The following SRGAP1 variants were observed in gnomAD, a reference collection of about 807,000 sequenced individuals.
The protein encoded by SRGAP1 is SLIT-ROBO Rho GTPase activating protein 1, also known as SLIT-ROBO Rho GTPase-activating protein 1.
SRGAP1 carries 43 observed loss-of-function variants against 121.9 expected under a neutral mutation model. The ratio of observed to expected loss-of-function variants is 0.35; its 90% CI spans 0.28 to 0.46. The LOEUF is 0.46. SRGAP1 is among the 20% of genes least tolerant of loss of function. SRGAP1 has a pLI of 1.00. For synonymous variants in SRGAP1, 447 were observed against 485.4 expected (o/e 0.92, Z 1.04); for missense variants, 1,102 against 1,350.9 (o/e 0.82, Z 2.89).
chr12:64,068,797 G>A (rs549668608), intron 8 of SRGAP1, among the ~76,000 whole-genome samples: 5 of 151,810 alleles, frequency 3.3e-5, no homozygotes, highest in African/African-American at 1.2e-4. Context: ...ATCTCTTGAG[G>A]TCAGGAGTTC....
chr12:64,094,892 C>A (rs1305196958), intron 12 of SRGAP1, 40 bp from the exon 13 acceptor site: 2 of 1,581,332 alleles, frequency 1.3e-6, no homozygotes, highest in African/African-American at 1.3e-5. Flanking sequence ...GCATTTATAC[C>A]TCTCCCTTGA....
chr12:63,918,087 G>A (rs1592944807), intron 1 of SRGAP1, among the ~76,000 whole-genome samples: 1 of 152,162 alleles, frequency 6.6e-6, no homozygotes, highest in South Asian at 2.1e-4. Flanking sequence ...TTAAAATTGG[G>A]TGTGGACAAA....
chr12:63,998,287 G>A (rs985090601), intron 3 of SRGAP1, among the ~76,000 whole-genome samples: 1 of 152,174 alleles, frequency 6.6e-6, no homozygotes, highest in African/African-American at 2.4e-5. Flanking sequence ...CAAAGATAGT[G>A]GCATTTACAT....
In SRGAP1 at chr12:64,144,977, G is replaced by GC; in HGVS notation, c.*2307dup. On this transcript the variant is annotated 3_prime_UTR_variant, in exon 22 of 22. Transcript: ENST00000355086. ...CTCCTGAGTAGCTGGGATTACAGGCGCCACCACCACGCCCAGCTAATTTTT... is the reference window on the plus strand; with the variant it reads ...CTCCTGAGTAGCTGGGATTACAGGCGCCCACCACCACGCCCAGCTAATTTTT... 1 of 150,314 alleles carries GC rather than the reference G, an allele frequency of 6.7e-6. No homozygotes were observed. The highest frequency in any genetic ancestry group is 1.5e-5 in the Non-Finnish European group (1 of 67,868). 9.3% of individuals were successfully genotyped at this position (150,314 alleles called of 1,614,324 possible). A position where few individuals can be genotyped will look rare whatever the true frequency, so the allele number is the denominator to read the frequency against.
chr12:63,973,155 A>G (rs2033004893), intron 1 of SRGAP1, among the ~76,000 whole-genome samples: 1 of 152,148 alleles, frequency 6.6e-6, no homozygotes, highest in Non-Finnish European at 1.5e-5. Context: ...CTCAAAAGAG[A>G]AAAAAAGTAA....
intron 1 of SRGAP1, among the ~76,000 whole-genome samples, chr12:63,934,254 C>T (rs1263519814): frequency 6.6e-6 from 1 of 152,164 alleles, no homozygotes; most frequent in Non-Finnish European, 1.5e-5. Flanking sequence ...GTCTATCTTT[C>T]CACCTTTGCC....
At chr12:63,911,449 C>A (rs1463223044) in intron 1 of SRGAP1, among the ~76,000 whole-genome samples, 1 of 152,122 alleles carries the variant, frequency 6.6e-6, no homozygotes, top group East Asian at 1.9e-4. Context: ...ATCTCTGCAC[C>A]CATCCATGTA....
chr12:63,934,550 CTT>C (rs1373130881), intron 1 of SRGAP1, among the ~76,000 whole-genome samples: 1 of 152,172 alleles, frequency 6.6e-6, no homozygotes, highest in Non-Finnish European at 1.5e-5. Context: ...TGCAACAACT[CTT>C]ATATTTTTGT....
At chr12:64,089,919 T>C (rs1593117295) in intron 11 of SRGAP1, among the ~76,000 whole-genome samples, 2 of 152,240 alleles carry the variant, frequency 1.3e-5, no homozygotes, top group Admixed American at 1.3e-4. Flanking sequence ...ACGTAACTTC[T>C]TGGGATCTGG....
intron 1 of SRGAP1, among the ~76,000 whole-genome samples, chr12:63,885,475 G>C (rs1291227822): frequency 6.6e-6 from 1 of 152,150 alleles, no homozygotes; most frequent in Non-Finnish European, 1.5e-5. Flanking sequence ...TTCTGTGGAG[G>C]CTTCATTACA....
intron 14 of SRGAP1, among the ~76,000 whole-genome samples, chr12:64,095,905 T>C (rs1471557662): frequency 1.3e-5 from 2 of 152,190 alleles, no homozygotes; most frequent in Non-Finnish European, 2.9e-5. Flanking sequence ...TAGCACATTA[T>C]AATTAGCAAA....
At chr12:63,889,781 G>A (rs186213421) in intron 1 of SRGAP1, among the ~76,000 whole-genome samples, 18 of 152,098 alleles carry the variant, frequency 1.2e-4, no homozygotes, top group African/African-American at 2.2e-4. Context: ...GGTGTGAAGC[G>A]CCTGTAATCC....
intron 6 of SRGAP1, among the ~76,000 whole-genome samples, chr12:64,055,499 A>AT (rs1271041091): frequency 6.6e-6 from 1 of 151,424 alleles, no homozygotes; most frequent in Non-Finnish European, 1.5e-5. Flanking sequence ...ATTGGAAAAA[A>AT]CTACTTTAAA....
chr12:63,921,905 A>G (rs1039924657), intron 1 of SRGAP1, among the ~76,000 whole-genome samples: 3 of 152,074 alleles, frequency 2.0e-5, no homozygotes, highest in Admixed American at 6.6e-5. Context: ...TCTTAGTTCC[A>G]TTTTATATTT....
rs138192630 is a variant in SRGAP1, at chr12:64,147,442, C to T, written c.*4770C>T. ...TGTCCCCCACCTTCCCCATCCCCGCCTTCCTGTGCCTCGGTGCTCAGTAAT... is the reference window on the plus strand; with the variant it reads ...TGTCCCCCACCTTCCCCATCCCCGCTTTCCTGTGCCTCGGTGCTCAGTAAT... On this transcript the variant is annotated 3_prime_UTR_variant, in exon 22 of 22. Coordinates refer to ENST00000355086, the MANE Select transcript of SRGAP1 (RefSeq NM_020762.4). 535 of 398,208 alleles carry T rather than the reference C, an allele frequency of 1.3e-3. No individual in the cohort carries two copies. Among genetic ancestry groups the T allele is most frequent in the African/African-American group, 0.01 (500 of 48,380 alleles). The allele number at this position is 398,208 out of a possible 1,614,324, so 24.7% of individuals were successfully genotyped here.
In SRGAP1 at chr12:64,031,317, CA is replaced by C. The variant is rs578019090; in HGVS notation, c.490-11454del. ...TGAGCGACAGAGCAAGACTCTGTCT[CA>C]AAAAAAAAAAAAAAAAAATAGCTGC... On this transcript the variant is annotated intron_variant, in intron 4 of 21. Transcript: ENST00000355086. Among the ~76,000 whole-genome samples the C allele has an allele frequency of 4.4e-3, 425 of 95,694 alleles. 1 individual carries two copies. The highest frequency in any genetic ancestry group is 0.019 in the East Asian group (48 of 2,556). 62.8% of individuals were successfully genotyped at this position (95,694 alleles called of 152,430 possible). A position where few individuals can be genotyped will look rare whatever the true frequency, so the allele number is the denominator to read the frequency against.
chr12:63,868,081 T>A (rs1899719171), intron 1 of SRGAP1, among the ~76,000 whole-genome samples: 1 of 81,660 alleles, frequency 1.2e-5, no homozygotes, highest in East Asian at 5.2e-4. Context: ...TTTTTTTTGT[T>A]TTTTTTTTTT....
At chr12:64,038,271 A>G (rs2136498326) in intron 4 of SRGAP1, among the ~76,000 whole-genome samples, 1 of 152,338 alleles carries the variant, frequency 6.6e-6, no homozygotes, top group South Asian at 2.1e-4. Context: ...GTATATATGT[A>G]CATATCTGTA....
At chr12:63,957,450 A>T (rs1438187662) in intron 1 of SRGAP1, among the ~76,000 whole-genome samples, 2 of 152,174 alleles carry the variant, frequency 1.3e-5, no homozygotes, top group Non-Finnish European at 2.9e-5. Flanking sequence ...ATCCACAAGT[A>T]TCTGGCCCTG....
Sources: gnomAD v4.1 joint callset for allele counts (sites outside exome capture counted in the v4.1 genomes callset) on GRCh38, gnomAD v4.1.1 for gene constraint, MANE v1.5 for transcripts, NCBI Gene and HGNC (gene_info 2026-07-23, HGNC 2026-07-21) for gene names.